The following CCDC148 variants were observed in gnomAD, a reference collection of about 807,000 sequenced individuals.
CCDC148 encodes coiled-coil domain-containing protein 148.
CCDC148 carries 89 observed loss-of-function variants against 85.7 expected under a neutral mutation model. That is an observed-to-expected ratio of 1.04 (90% CI 0.87 to 1.24). The LOEUF is 1.24. Ranked by LOEUF, CCDC148 falls within the 50% of genes most tolerant of loss-of-function variation. The probability of loss-of-function intolerance (pLI) is 0.00; values close to 1 mark genes in which losing one functional copy is unlikely to be tolerated. For missense variants in CCDC148, 692 were observed against 671.7 expected (o/e 1.03, Z -0.33); for synonymous variants, 230 against 213.9 (o/e 1.08, Z -0.66).
At chr2:158,338,111 TG>T (rs909055147) in intron 7 of CCDC148, among the ~76,000 whole-genome samples, 9 of 151,990 alleles carry the variant, frequency 5.9e-5, no homozygotes, top group African/African-American at 7.2e-5. Flanking sequence ...TAGTTCAGAG[TG>T]GTGTATCCGG....
At chr2:158,434,827 C>T (rs1454609921) in intron 1 of CCDC148, among the ~76,000 whole-genome samples, 1 of 152,162 alleles carries the variant, frequency 6.6e-6, no homozygotes, top group African/African-American at 2.4e-5. Context: ...CTACTTGACA[C>T]ATGCACAAGC....
intron 11 of CCDC148, among the ~76,000 whole-genome samples, chr2:158,186,347 T>TGA (rs1685154707): frequency 6.6e-6 from 1 of 152,050 alleles, no homozygotes; most frequent in Non-Finnish European, 1.5e-5. Context: ...CACCTTGAAC[T>TGA]GAGGATTCCC....
At chr2:158,190,544 C>A (rs1685374466) in intron 11 of CCDC148, among the ~76,000 whole-genome samples, 1 of 151,970 alleles carries the variant, frequency 6.6e-6, no homozygotes, top group African/African-American at 2.4e-5. Context: ...AACTCACTAA[C>A]AAAAGACATC....
intron 9 of CCDC148, among the ~76,000 whole-genome samples, chr2:158,273,424 T>C (rs1375843909): frequency 6.6e-6 from 1 of 152,146 alleles, no homozygotes; most frequent in Non-Finnish European, 1.5e-5. Flanking sequence ...CTCCTTCCAC[T>C]ATAAAATGTC....
At chr2:158,306,651 G>A (rs1370970869) in intron 9 of CCDC148, among the ~76,000 whole-genome samples, 2 of 151,732 alleles carry the variant, frequency 1.3e-5, no homozygotes, top group Admixed American at 1.3e-4. Context: ...ACACAGGAAG[G>A]GGAACATCAC....
intron 11 of CCDC148, among the ~76,000 whole-genome samples, chr2:158,204,448 T>C (rs973370705): frequency 6.6e-6 from 1 of 152,178 alleles, no homozygotes. Flanking sequence ...CTGCCTTTTT[T>C]TGTTGGAAGA....
chr2:158,417,287 C>G (rs1461899435), intron 1 of CCDC148, among the ~76,000 whole-genome samples: 1 of 152,184 alleles, frequency 6.6e-6, no homozygotes, highest in East Asian at 1.9e-4. Flanking sequence ...ATAATTCCCT[C>G]AAAGGAGTGC....
At chr2:158,442,033 C>T (rs1687955665) in intron 1 of CCDC148, among the ~76,000 whole-genome samples, 1 of 152,120 alleles carries the variant, frequency 6.6e-6, no homozygotes, top group Non-Finnish European at 1.5e-5. Context: ...ATATGTTTTA[C>T]ACCCAAACTA....
At chr2:158,432,229 T>C (rs532828599) in intron 1 of CCDC148, among the ~76,000 whole-genome samples, 4 of 146,738 alleles carry the variant, frequency 2.7e-5, no homozygotes, top group Non-Finnish European at 6.0e-5. Context: ...AAAAAGATGA[T>C]GAAAATAAAA....
At chr2:158,204,041 C>T (rs1686102791) in intron 11 of CCDC148, among the ~76,000 whole-genome samples, 1 of 152,140 alleles carries the variant, frequency 6.6e-6, no homozygotes, top group Non-Finnish European at 1.5e-5. Flanking sequence ...AAATCAGGCC[C>T]TACCATTTGT....
At chr2:158,448,172 A>G (rs1241559639) in intron 1 of CCDC148, among the ~76,000 whole-genome samples, 2 of 152,052 alleles carry the variant, frequency 1.3e-5, no homozygotes, top group Non-Finnish European at 2.9e-5. Context: ...TTTGCTGAAA[A>G]CCAACTGATT....
intron 10 of CCDC148, among the ~76,000 whole-genome samples, chr2:158,230,651 ACTTACATTT>A (rs113621726): frequency 0.64 from 97,416 of 151,356 alleles, 32,913 homozygotes; most frequent in East Asian, 0.9. Context: ...GCATGATCTG[ACTTACATTT>A]CTTACATTTT....
intron 1 of CCDC148, among the ~76,000 whole-genome samples, chr2:158,397,786 C>T (rs1456868854): frequency 1.3e-5 from 2 of 152,008 alleles, no homozygotes; most frequent in Non-Finnish European, 2.9e-5. Context: ...ACAATATTAA[C>T]CTTAAAAGTA....
chr2:158,390,086 T>C (rs964247640), intron 1 of CCDC148, among the ~76,000 whole-genome samples: 2 of 152,192 alleles, frequency 1.3e-5, no homozygotes, highest in Non-Finnish European at 2.9e-5. Context: ...TTCTACCCTA[T>C]ATGCTGCTTA....
chr2:158,362,092 A>T (rs1447791882), intron 1 of CCDC148, among the ~76,000 whole-genome samples: 1 of 152,158 alleles, frequency 6.6e-6, no homozygotes, highest in Admixed American at 6.6e-5. Context: ...TCATTACATA[A>T]TGCTAAAGGG....
intron 1 of CCDC148, among the ~76,000 whole-genome samples, chr2:158,434,483 AG>A (rs1393709431): frequency 6.6e-6 from 1 of 152,198 alleles, no homozygotes; most frequent in African/African-American, 2.4e-5. Context: ...TCACCATCAT[AG>A]AAGACCAAAG....
chr2:158,225,843 A>G (rs1050238233), intron 10 of CCDC148, among the ~76,000 whole-genome samples: 3 of 152,186 alleles, frequency 2.0e-5, no homozygotes, highest in African/African-American at 7.2e-5. Context: ...AATGCCCACA[A>G]GAGAAAGCAG....
chr2:158,187,209 G>C (rs189050369), intron 11 of CCDC148, among the ~76,000 whole-genome samples: 2 of 151,896 alleles, frequency 1.3e-5, no homozygotes, highest in Admixed American at 6.6e-5. Context: ...TCCATCCTTT[G>C]CTCCTTAAAT....
intron 9 of CCDC148, among the ~76,000 whole-genome samples, chr2:158,264,005 T>C (rs1689347006): frequency 1.3e-5 from 2 of 151,922 alleles, no homozygotes; most frequent in Admixed American, 1.3e-4. Context: ...ATATTTCCTT[T>C]AGAGTTATTA....
Sources: allele counts gnomAD v4.1 joint callset (sites outside exome capture counted in the v4.1 genomes callset), GRCh38; gene constraint gnomAD v4.1.1; transcripts MANE v1.5; gene names NCBI Gene and HGNC (gene_info 2026-07-23, HGNC 2026-07-21).